The following SEC23IP variants were observed in gnomAD, a reference collection of about 807,000 sequenced individuals.
SEC23IP encodes SEC23-interacting protein.
In SEC23IP, 70 loss-of-function variants were observed where a neutral mutation model predicts 113.4. The ratio of observed to expected loss-of-function variants is 0.62; its 90% CI spans 0.51 to 0.75. The LOEUF (loss-of-function observed/expected upper bound fraction) is 0.75. Among genes scored for constraint, SEC23IP ranks in the 30% least tolerant of loss-of-function variants. The probability of loss-of-function intolerance (pLI) is 0.00; values close to 1 mark genes in which losing one functional copy is unlikely to be tolerated. For missense variants in SEC23IP, 1,160 were observed against 1,204.9 expected (o/e 0.96, Z 0.55); for synonymous variants, 398 against 421.0 (o/e 0.95, Z 0.67).
chr10:119,905,247 A>G (rs1238142501), intron 4 of SEC23IP, among the ~76,000 whole-genome samples: 3 of 152,194 alleles, frequency 2.0e-5, no homozygotes, highest in African/African-American at 7.2e-5. Context: ...AGATATAAAT[A>G]AACAAATAAA....
At chr10:119,902,138 C>T (rs1360866182) in intron 2 of SEC23IP, among the ~76,000 whole-genome samples, 1 of 152,174 alleles carries the variant, frequency 6.6e-6, no homozygotes, top group East Asian at 1.9e-4. Flanking sequence ...GGGCTGGTCA[C>T]TTGAGGTTGG....
rs183410876 is a variant in SEC23IP, at chr10:119,932,024, G to A, written c.2573-109G>A. On this transcript the variant is annotated intron_variant, in intron 15 of 18. Coordinates refer to ENST00000369075, the MANE Select transcript of SEC23IP (RefSeq NM_007190.4). ...CTCCGTATATTTGACATTGAAAAGA[G>A]GAAGAAACAGTCTTATCCTGTCTGA... is the stretch of plus-strand genomic sequence containing the variant. 9.4e-4 allele frequency: 617 copies of A among 659,262 alleles called. 6 individuals are homozygous for A. The African/African-American group carries it at 0.01, about 11-fold the overall frequency. 40.8% of individuals were successfully genotyped at this position (659,262 alleles called of 1,614,324 possible). A position where few individuals can be genotyped will look rare whatever the true frequency, so the allele number is the denominator to read the frequency against.
intron 18 of SEC23IP, among the ~76,000 whole-genome samples, chr10:119,937,703 T>G (rs1855843201): frequency 6.6e-6 from 1 of 152,088 alleles, no homozygotes; most frequent in African/African-American, 2.4e-5. Flanking sequence ...ACATTTATTT[T>G]CTTTTTAGTT....
In SEC23IP at chr10:119,892,765, G is replaced by C. The variant is rs1395999562; in HGVS notation, c.-18G>C. On this transcript the variant is annotated 5_prime_UTR_variant, in exon 1 of 19. Transcript: ENST00000369075. ...TACCGGGTACCCGGAGACGTGTATC[G>C]GACGGTGGGCCGCAGCCATGGCCGA... 10 of 1,596,104 alleles carry C rather than the reference G, an allele frequency of 6.3e-6. No homozygotes were observed. The highest frequency in any genetic ancestry group is 1.7e-5 in the Admixed American group (1 of 58,008).
chr10:119,938,974 A>G (rs1250625948), intron 18 of SEC23IP, among the ~76,000 whole-genome samples: 3 of 152,198 alleles, frequency 2.0e-5, no homozygotes, highest in Non-Finnish European at 4.4e-5. Context: ...TGGTTGTTTT[A>G]TGTTCATGTC....
chr10:119,920,430 TCA>T (rs1855214121), intron 11 of SEC23IP, among the ~76,000 whole-genome samples: 1 of 152,226 alleles, frequency 6.6e-6, no homozygotes, highest in Non-Finnish European at 1.5e-5. Flanking sequence ...TGATGCAGTG[TCA>T]GAGATACCCG....
intron 6 of SEC23IP, 109 bp from the exon 7 acceptor site, chr10:119,914,621 A>T: frequency 2.3e-6 from 2 of 851,344 alleles, no homozygotes; most frequent in South Asian, 3.0e-5. Flanking sequence ...AGGGTCATGA[A>T]TTTCTTTGGC....
At chr10:119,916,598 T>C (rs957795571) in intron 8 of SEC23IP, among the ~76,000 whole-genome samples, 2 of 152,240 alleles carry the variant, frequency 1.3e-5, no homozygotes, top group African/African-American at 4.8e-5. Flanking sequence ...TCTGTGTGTA[T>C]TCCTAAACTT....
chr10:119,901,053 G>C (rs1025770607), intron 2 of SEC23IP, among the ~76,000 whole-genome samples: 3 of 135,184 alleles, frequency 2.2e-5, no homozygotes, highest in African/African-American at 8.2e-5. Context: ...GTGGGGGGGG[G>C]GTCTTGCTCT....
At position 119,902,843 on chromosome 10, in the gene SEC23IP, C is replaced by T. The variant is rs749632984; in HGVS notation, c.741C>T (p.Ala247=). The part of the protein sequence containing the change: ...VQSPAQQQVP[A]RPGAPSVQVP... ...CACCGGCACAGCAGCAGGTACCTGC[C>T]AGACCTGGGGCTCCCTCTGTTCAAG... Residue 247 remains alanine (A), a synonymous_variant, in exon 3 of 19, where the codon GCC becomes GCT. Transcript: ENST00000369075. 4 of 1,614,200 alleles carry T rather than the reference C, an allele frequency of 2.5e-6. No individual in the cohort carries two copies. In the South Asian group the frequency reaches 4.4e-5, roughly 18 times the overall value.
At chr10:119,894,535 G>A (rs1328916433) in intron 1 of SEC23IP, among the ~76,000 whole-genome samples, 1 of 152,204 alleles carries the variant, frequency 6.6e-6, no homozygotes, top group African/African-American at 2.4e-5. Context: ...TGCCTAGAAT[G>A]GTGTGTGGTA....
At chr10:119,927,139 C>T (rs774043582) in intron 13 of SEC23IP, among the ~76,000 whole-genome samples, 2 of 152,206 alleles carry the variant, frequency 1.3e-5, no homozygotes, top group Non-Finnish European at 2.9e-5. Context: ...CTCAAGCAGT[C>T]TTCCTGACTT....
At chr10:119,903,952 G>A (rs1166818522) in intron 3 of SEC23IP, 132 bp from the exon 4 acceptor site, 17 of 859,464 alleles carry the variant, frequency 2.0e-5, no homozygotes, top group East Asian at 2.7e-5. Context: ...ACTCCTGACC[G>A]CAAGTGATCC....
In SEC23IP at chr10:119,932,337, G is replaced by T; in HGVS notation, c.2758+19G>T. The T allele has an allele frequency of 6.3e-7, 1 of 1,576,728 alleles. No individual in the cohort carries two copies. The highest frequency in any genetic ancestry group is 8.7e-7 in the Non-Finnish European group (1 of 1,149,560). On this transcript the variant is annotated intron_variant, in intron 16 of 18. Coordinates refer to ENST00000369075, the MANE Select transcript of SEC23IP (RefSeq NM_007190.4). ...GTTGAAGGTAAATTTGACATTTGAGGCATTTTCTAATACAAATGTTTCATA... is the reference window on the plus strand; with the variant it reads ...GTTGAAGGTAAATTTGACATTTGAGTCATTTTCTAATACAAATGTTTCATA...
chr10:119,927,443 T>C (rs1855458560), intron 13 of SEC23IP, among the ~76,000 whole-genome samples: 2 of 152,146 alleles, frequency 1.3e-5, no homozygotes, highest in Non-Finnish European at 2.9e-5. Flanking sequence ...AATCCTTTCG[T>C]GTTTCTTCGA....
chr10:119,892,759 T>G lies in SEC23IP; in HGVS notation c.-24T>G, dbSNP rs1854132582. ...GTGTGGTACCGGGTACCCGGAGACG[T>G]GTATCGGACGGTGGGCCGCAGCCAT... is the stretch of plus-strand genomic sequence containing the variant. On this transcript the variant is annotated 5_prime_UTR_variant, in exon 1 of 19. Coordinates refer to ENST00000369075, the MANE Select transcript of SEC23IP (RefSeq NM_007190.4). The G allele has an allele frequency of 4.4e-6, 7 of 1,590,260 alleles. No homozygotes were observed. The highest frequency in any genetic ancestry group is 6.0e-6 in the Non-Finnish European group (7 of 1,167,358).
chr10:119,894,441 G>A (rs1377404527), intron 1 of SEC23IP, among the ~76,000 whole-genome samples: 2 of 152,230 alleles, frequency 1.3e-5, no homozygotes, highest in East Asian at 3.8e-4. Context: ...TACCTGACAT[G>A]TACACATATT....
At chr10:119,906,283 G>GAAAAA (rs59914110) in intron 4 of SEC23IP, among the ~76,000 whole-genome samples, 4 of 114,834 alleles carry the variant, frequency 3.5e-5, no homozygotes, top group Non-Finnish European at 3.6e-5. Context: ...CCTTGTCTCA[G>GAAAAA]AAAAAAAAAA....
chr10:119,907,403 T>G (rs1484864472), intron 4 of SEC23IP, among the ~76,000 whole-genome samples: 2 of 152,154 alleles, frequency 1.3e-5, no homozygotes, highest in Non-Finnish European at 2.9e-5. Flanking sequence ...TGTCAAATAC[T>G]CACTGTTACT....
Sources: allele counts gnomAD v4.1 joint callset (sites outside exome capture counted in the v4.1 genomes callset), GRCh38; gene constraint gnomAD v4.1.1; transcripts MANE v1.5; gene names NCBI Gene and HGNC (gene_info 2026-07-23, HGNC 2026-07-21).